The following HEATR5A variants were observed in gnomAD, a reference collection of about 807,000 sequenced individuals.
HEATR5A encodes the protein HEAT repeat containing 5A, also known as HEAT repeat-containing protein 5A.
A neutral mutation model predicts 218.8 loss-of-function variants in HEATR5A; 178 were observed. That is an observed-to-expected ratio of 0.81 (90% confidence interval 0.72 to 0.92). The LOEUF is 0.92. Ranked by LOEUF, HEATR5A falls within the 40% of genes least tolerant of loss-of-function variation. HEATR5A has a pLI of 0.00. For missense variants in HEATR5A, 2,420 were observed against 2,418.9 expected, an observed-to-expected ratio of 1.00 and a Z score of -0.01; for synonymous variants, 864 against 871.6, an observed-to-expected ratio of 0.99 and a Z score of 0.15.
At position 31,415,316 on chromosome 14, in the gene HEATR5A, C is replaced by T. The variant is rs561880069; in HGVS notation, c.-75+5156G>A. 8.0e-4 allele frequency among the ~76,000 whole-genome samples: 122 copies of T among 152,270 alleles called. 1 individual carries two copies. In the Middle Eastern group the frequency reaches 0.01, roughly 13 times the overall value. On this transcript the variant is annotated intron_variant, in intron 1 of 35. Coordinates refer to ENST00000543095, the MANE Select transcript of HEATR5A (RefSeq NM_015473.4). ...CAACTACAGCTCCCTGGAATAACTCCGTATTATTCTGCCTTCTGACTGCCA... is the reference window on the plus strand; with the variant it reads ...CAACTACAGCTCCCTGGAATAACTCTGTATTATTCTGCCTTCTGACTGCCA...
At chr14:31,388,462 A>G (rs6571416) in intron 7 of HEATR5A, among the ~76,000 whole-genome samples, 53,466 of 152,098 alleles carry the variant, frequency 0.35, 10,449 homozygotes, top group Non-Finnish European at 0.43. Context: ...AAAGCCACAT[A>G]AAATGTTTAT....
intron 13 of HEATR5A, among the ~76,000 whole-genome samples, chr14:31,369,789 A>ATGG (rs979960450): frequency 6.6e-6 from 1 of 151,576 alleles, no homozygotes; most frequent in Non-Finnish European, 1.5e-5. Flanking sequence ...TTAGCTGGGT[A>ATGG]TGGTGGTGCA....
chr14:31,355,968 TAAC>T (rs2139226514), intron 16 of HEATR5A, among the ~76,000 whole-genome samples: 1 of 152,310 alleles, frequency 6.6e-6, no homozygotes, highest in South Asian at 2.1e-4. Flanking sequence ...CTAACCACAA[TAAC>T]AACAAAATGG....
At chr14:31,415,501 T>TA (rs1285709714) in intron 1 of HEATR5A, among the ~76,000 whole-genome samples, 1 of 152,224 alleles carries the variant, frequency 6.6e-6, no homozygotes, top group African/African-American at 2.4e-5. Flanking sequence ...TGACTGCAAA[T>TA]ACCTTTGCAT....
chr14:31,294,039 G>A lies in HEATR5A; in HGVS notation c.5685C>T (p.Tyr1895=). 6.2e-7 allele frequency: 1 copy of A among 1,603,908 alleles called. No individual in the cohort carries two copies. The change falls in exon 35 of 36, where the codon TAC becomes TAT. Residue 1895 remains tyrosine, a synonymous_variant. Coordinates refer to ENST00000543095, the MANE Select transcript of HEATR5A (RefSeq NM_015473.4). ...AGGATGCTAAAGAGTAAATGTATGGGTAGGAAACAGCTGGATTTGGATACT... is the reference window on the plus strand; with the variant it reads ...AGGATGCTAAAGAGTAAATGTATGGATAGGAAACAGCTGGATTTGGATACT... ...IFQYPNPAVS[Y]PYIYSLASCI...
chr14:31,357,311 A>G (rs1410787064), intron 16 of HEATR5A, among the ~76,000 whole-genome samples: 2 of 152,194 alleles, frequency 1.3e-5, no homozygotes, highest in East Asian at 3.8e-4. Flanking sequence ...AAATTAAAAT[A>G]TTTTTCTAAG....
intron 9 of HEATR5A, among the ~76,000 whole-genome samples, chr14:31,385,077 ATAATG>A (rs953771597): frequency 6.6e-6 from 1 of 152,210 alleles, no homozygotes; most frequent in African/African-American, 2.4e-5. Context: ...AAACACAAAT[ATAATG>A]TAAAGTTTCT....
intron 25 of HEATR5A, among the ~76,000 whole-genome samples, chr14:31,318,941 G>A (rs1015511328): frequency 6.6e-6 from 1 of 152,170 alleles, no homozygotes; most frequent in Non-Finnish European, 1.5e-5. Flanking sequence ...TGCTAAGAGA[G>A]CCATCTTGAT....
rs1595067179 is a variant in HEATR5A, at chr14:31,293,230, C to T, written c.*75G>A. ...AGACCTCTAAGGGCACTTGTGTCTA[C>T]AATGTCCCTTTTGTCACCAAAGGCA... On this transcript the variant is annotated 3_prime_UTR_variant, in exon 36 of 36. Transcript: ENST00000543095. 5 of 1,199,562 alleles carry T rather than the reference C, an allele frequency of 4.2e-6. No individual in the cohort carries two copies. The East Asian group carries it at 1.2e-4, about 28-fold the overall frequency. The allele number at this position is 1,199,562 out of a possible 1,614,324, so 74.3% of individuals were successfully genotyped here.
chr14:31,319,401 C>T (rs1414344418), intron 25 of HEATR5A, among the ~76,000 whole-genome samples: 1 of 152,150 alleles, frequency 6.6e-6, no homozygotes, highest in East Asian at 1.9e-4. Context: ...GATCCGCCTA[C>T]CTCGGCCTCC....
intron 14 of HEATR5A, among the ~76,000 whole-genome samples, chr14:31,362,788 AC>A (rs1901668671): frequency 6.6e-6 from 1 of 151,140 alleles, no homozygotes; most frequent in Admixed American, 6.6e-5. Flanking sequence ...AAAAAAAAAA[AC>A]AAAAAAAAGA....
At chr14:31,302,542 A>G (rs1381629890) in intron 32 of HEATR5A, 23 bp from the exon 33 acceptor site, 1 of 1,457,940 alleles carries the variant, frequency 6.9e-7, no homozygotes, top group African/African-American at 1.4e-5. Flanking sequence ...TTTTTTAAAA[A>G]CACACTGGAT....
chr14:31,326,358 T>G lies in HEATR5A; in HGVS notation c.3368-16A>C. The G allele has an allele frequency of 3.8e-6, 6 of 1,594,236 alleles. No homozygotes were observed. Among genetic ancestry groups the G allele is most frequent in the Non-Finnish European group, 5.1e-6 (6 of 1,168,958 alleles). ...ATGTTAGCATCTGACAAGAAGAAAA[T>G]CAATTATCTAAGTAATACAGAAAAC... On this transcript the variant is annotated splice_polypyrimidine_tract_variant and intron_variant, in intron 22 of 35. Transcript: ENST00000543095.
chr14:31,354,834 G>A (rs1901364174), intron 16 of HEATR5A, among the ~76,000 whole-genome samples: 1 of 152,036 alleles, frequency 6.6e-6, no homozygotes, highest in South Asian at 2.1e-4. Flanking sequence ...GTATATAATG[G>A]CAAAATTTTT....
At chr14:31,412,001 A>C (rs562837468) in intron 1 of HEATR5A, among the ~76,000 whole-genome samples, 178 of 152,062 alleles carry the variant, frequency 1.2e-3, no homozygotes, top group Middle Eastern at 6.8e-3. Context: ...GATTATAGGC[A>C]TGTGCCACCA....
chr14:31,376,342 C>A (rs1344978174), intron 11 of HEATR5A, among the ~76,000 whole-genome samples: 2 of 152,064 alleles, frequency 1.3e-5, no homozygotes, highest in Non-Finnish European at 2.9e-5. Context: ...ACACCGAAAT[C>A]TTTCTACAAA....
intron 19 of HEATR5A, among the ~76,000 whole-genome samples, chr14:31,347,276 A>G (rs945785825): frequency 2.0e-5 from 3 of 152,180 alleles, no homozygotes; most frequent in Non-Finnish European, 4.4e-5. Flanking sequence ...TAGTGGCACA[A>G]TCTGGACTTA....
At chr14:31,380,923 A>G (rs1318664864) in intron 10 of HEATR5A, among the ~76,000 whole-genome samples, 1 of 152,162 alleles carries the variant, frequency 6.6e-6, no homozygotes, top group African/African-American at 2.4e-5. Flanking sequence ...ATTATCCAAA[A>G]AAAGTTTTCT....
chr14:31,362,069 A>T (rs948473986), intron 14 of HEATR5A, among the ~76,000 whole-genome samples: 1 of 152,012 alleles, frequency 6.6e-6, no homozygotes, highest in Non-Finnish European at 1.5e-5. Context: ...GGTTCAAACG[A>T]TTCTCCTGCC....
Sources: allele counts gnomAD v4.1 joint callset (sites outside exome capture counted in the v4.1 genomes callset), GRCh38; gene constraint gnomAD v4.1.1; transcripts MANE v1.5; gene names NCBI Gene and HGNC (gene_info 2026-07-23, HGNC 2026-07-21).